Variants in PRAMEF15 observed in about 807,000 individuals in gnomAD.
PRAMEF15 encodes PRAME family member 9/15.
A neutral mutation model predicts 35.3 loss-of-function variants in PRAMEF15; 21 were observed. The ratio of observed to expected loss-of-function variants is 0.59; its 90% CI spans 0.42 to 0.86. The LOEUF is 0.86. Ranked by LOEUF, PRAMEF15 falls within the 40% of genes least tolerant of loss-of-function variation. The pLI, the probability that PRAMEF15 is intolerant of heterozygous loss-of-function variation, is 0.00. For synonymous variants in PRAMEF15, 122 were observed against 223.3 expected, an observed-to-expected ratio of 0.55 and a Z score of 4.05; for missense variants, 360 against 574.1, an observed-to-expected ratio of 0.63 and a Z score of 3.81.
intron 1 of PRAMEF15, among the ~76,000 whole-genome samples, chr1:13,317,751 G>C (rs1321733257): frequency 0.042 from 6,240 of 149,706 alleles, 183 homozygotes; most frequent in East Asian, 0.23. Flanking sequence ...ACTCCAGGCT[G>C]GGTGACAGAG....
intron 2 of PRAMEF15, among the ~76,000 whole-genome samples, 187 bp from the exon 3 acceptor site, chr1:13,319,185 C>A (rs1640047077): frequency 6.9e-6 from 1 of 144,676 alleles, no homozygotes; most frequent in Non-Finnish European, 1.5e-5. Flanking sequence ...CACAGGGAGA[C>A]TTGGTCTCAA....
At chr1:13,317,441 G>T (rs1469457944) in intron 1 of PRAMEF15, among the ~76,000 whole-genome samples, 3 of 151,896 alleles carry the variant, frequency 2.0e-5, no homozygotes, top group Admixed American at 6.6e-5. Flanking sequence ...ATGCATAACA[G>T]TGTCACATAG....
intron 3 of PRAMEF15, among the ~76,000 whole-genome samples, chr1:13,321,002 G>C (rs1196450672): frequency 3.7e-4 from 56 of 152,162 alleles, no homozygotes; most frequent in African/African-American, 1.1e-3. Flanking sequence ...ATACAGGCAT[G>C]TCAGGGATGC....
At chr1:13,320,912 C>G (rs1182628294) in intron 3 of PRAMEF15, among the ~76,000 whole-genome samples, 1 of 152,012 alleles carries the variant, frequency 6.6e-6, no homozygotes, top group African/African-American at 2.4e-5. Flanking sequence ...AATTAATTAT[C>G]TAGGCAATGC....
intron 1 of PRAMEF15, 102 bp downstream of exon 1, chr1:13,315,760 C>T (rs1456127733): frequency 1.4e-5 from 2 of 143,122 alleles, no homozygotes; most frequent in Non-Finnish European, 3.1e-5. Context: ...TATATCCTGT[C>T]CTTTTTTTTT....
At chr1:13,317,276 G>T (rs1393870917) in intron 1 of PRAMEF15, among the ~76,000 whole-genome samples, 2 of 151,796 alleles carry the variant, frequency 1.3e-5, no homozygotes, top group African/African-American at 4.9e-5. Context: ...TACCATGTTG[G>T]CCAGGCTCGT....
intron 3 of PRAMEF15, among the ~76,000 whole-genome samples, chr1:13,320,870 C>G (rs1378071242): frequency 2.0e-5 from 3 of 152,112 alleles, no homozygotes; most frequent in South Asian, 2.1e-4. Context: ...CTCTAATTCC[C>G]TGTTGTAAAA....
intron 1 of PRAMEF15, among the ~76,000 whole-genome samples, chr1:13,317,089 T>C (rs1640014258): frequency 6.6e-6 from 1 of 151,344 alleles, no homozygotes; most frequent in African/African-American, 2.4e-5. Context: ...TCTCTGTCTC[T>C]CAGTTCAATC....
At chr1:13,321,289 A>G (rs1309646460) in intron 3 of PRAMEF15, among the ~76,000 whole-genome samples, 1 of 146,042 alleles carries the variant, frequency 6.8e-6, no homozygotes, top group Middle Eastern at 3.2e-3. Flanking sequence ...ATCTCTGCTC[A>G]CTGCAACCTA....
At chr1:13,320,749 T>C (rs1640073589) in intron 3 of PRAMEF15, among the ~76,000 whole-genome samples, 1 of 152,016 alleles carries the variant, frequency 6.6e-6, no homozygotes, top group Non-Finnish European at 1.5e-5. Flanking sequence ...AAGAAGATGA[T>C]GGGAAGTAGG....
chr1:13,317,878 A>G (rs1164812849), intron 1 of PRAMEF15, among the ~76,000 whole-genome samples: 20 of 151,724 alleles, frequency 1.3e-4, no homozygotes, highest in Admixed American at 5.3e-4. Context: ...GGAAAGAAAG[A>G]AAGAAGGGAG....
chr1:13,320,437 T>C (rs1569795257), intron 3 of PRAMEF15, among the ~76,000 whole-genome samples: 1 of 152,082 alleles, frequency 6.6e-6, no homozygotes, highest in Admixed American at 6.6e-5. Context: ...AACTTTTTTT[T>C]TCTGAGATGG....
intron 1 of PRAMEF15, among the ~76,000 whole-genome samples, chr1:13,317,742 C>T (rs1295651235): frequency 6.6e-6 from 1 of 151,450 alleles, no homozygotes; most frequent in African/African-American, 2.4e-5. Flanking sequence ...CACCACTACA[C>T]TCCAGGCTGG....
At chr1:13,320,332 G>C (rs1640067098) in intron 3 of PRAMEF15, among the ~76,000 whole-genome samples, 1 of 152,138 alleles carries the variant, frequency 6.6e-6, no homozygotes. Flanking sequence ...TCTGAGGCAA[G>C]AGGATAGCTT....
intron 3 of PRAMEF15, among the ~76,000 whole-genome samples, chr1:13,320,799 C>T (rs1161500421): frequency 1.3e-5 from 2 of 152,118 alleles, no homozygotes; most frequent in Admixed American, 6.6e-5. Context: ...GCTCAGCAAA[C>T]CTGCACATGT....
chr1:13,316,730 C>T (rs1164730858), intron 1 of PRAMEF15, among the ~76,000 whole-genome samples: 1 of 151,902 alleles, frequency 6.6e-6, no homozygotes, highest in Non-Finnish European at 1.5e-5. Context: ...TTCTTAGGGA[C>T]TGTCATCTCT....
chr1:13,317,970 G>T (rs1433839493), intron 1 of PRAMEF15, among the ~76,000 whole-genome samples: 69 of 148,308 alleles, frequency 4.7e-4, no homozygotes, highest in Non-Finnish European at 7.2e-4. Flanking sequence ...AATAGAACCT[G>T]TTCTAGGGAT....
In PRAMEF15 at chr1:13,322,246, A is replaced by G; in HGVS notation, c.1419A>G (p.Ala473=). ...CGNRSFYDLE[A]DQYCC ...ACAGGTCATTTTATGACCTGGAGGC[A>G]GATCAATACTGCTGTTGAATGCCTG... The change falls in exon 4 of 4, where the codon GCA becomes GCG. Residue 473 remains alanine, a synonymous_variant. Transcript: ENST00000376152. The G allele has an allele frequency of 6.3e-7, 1 of 1,583,658 alleles. No homozygotes were observed. The highest frequency in any genetic ancestry group is 8.6e-7 in the Non-Finnish European group (1 of 1,159,342).
At chr1:13,317,007 T>C (rs1553167184) in intron 1 of PRAMEF15, among the ~76,000 whole-genome samples, 3 of 136,086 alleles carry the variant, frequency 2.2e-5, no homozygotes, top group African/African-American at 5.7e-5. Flanking sequence ...CGATCAGTTA[T>C]TCTTTAAGAA....
Sources: gnomAD v4.1 joint callset for allele counts (sites outside exome capture counted in the v4.1 genomes callset) on GRCh38, gnomAD v4.1.1 for gene constraint, MANE v1.5 for transcripts, NCBI Gene and HGNC (gene_info 2026-07-23, HGNC 2026-07-21) for gene names.